ASTN2: variants seen among roughly 807,000 people sequenced by gnomAD.
The protein encoded by ASTN2 is astrotactin-2.
ASTN2 carries 54 observed loss-of-function variants against 139.8 expected under a neutral mutation model. The observed-to-expected ratio is 0.39, with a 90% CI of 0.31 to 0.48. ASTN2 has a LOEUF of 0.48. ASTN2 is among the 20% of genes least tolerant of loss of function. The pLI is 0.95. For missense variants in ASTN2, 1,565 were observed against 1,725.1 expected (o/e 0.91, Z 1.64); for synonymous variants, 756 against 719.5 (o/e 1.05, Z -0.81).
intron 19 of ASTN2, among the ~76,000 whole-genome samples, chr9:116,503,537 G>C (rs1203866062): frequency 6.6e-6 from 1 of 152,166 alleles, no homozygotes; most frequent in African/African-American, 2.4e-5. Context: ...TAGCTGGTCA[G>C]TTTTTCCTAC....
At chr9:116,637,787 A>G (rs1013155689) in intron 17 of ASTN2, among the ~76,000 whole-genome samples, 2 of 152,190 alleles carry the variant, frequency 1.3e-5, no homozygotes, top group African/African-American at 4.8e-5. Context: ...AAAAAATACA[A>G]AAATTATCCA....
intron 5 of ASTN2, among the ~76,000 whole-genome samples, chr9:117,061,009 GAGTC>G (rs1839273731): frequency 6.6e-6 from 1 of 152,154 alleles, no homozygotes. Context: ...TTGTTTTTCA[GAGTC>G]AGTTTACCAG....
At chr9:116,596,408 T>C (rs983273861) in intron 19 of ASTN2, among the ~76,000 whole-genome samples, 1 of 152,142 alleles carries the variant, frequency 6.6e-6, no homozygotes, top group Admixed American at 6.5e-5. Flanking sequence ...TAAAATGTGT[T>C]AAGAGGCTAG....
rs1851103326 is a variant in ASTN2, at chr9:116,526,635, AG to A, written c.3356-39136del. Among the ~76,000 whole-genome samples the A allele has an allele frequency of 2.0e-5, 3 of 151,552 alleles. 1 individual carries two copies. The highest frequency in any genetic ancestry group is 4.9e-5 in the African/African-American group (2 of 41,234). Reference sequence around the variant, plus strand: ...AGAACTTGTCTCAAAAAAAAAAAAAAGTGACAAAAGATGTGAAAGTAAATTT... The same window carrying A: ...AGAACTTGTCTCAAAAAAAAAAAAAATGACAAAAGATGTGAAAGTAAATTT... On this transcript the variant is annotated intron_variant, in intron 19 of 22. Transcript: ENST00000313400.
intron 2 of ASTN2, among the ~76,000 whole-genome samples, chr9:117,240,024 T>C (rs943440784): frequency 3.9e-5 from 6 of 152,208 alleles, no homozygotes; most frequent in African/African-American, 1.4e-4. Flanking sequence ...AAATTGAAAA[T>C]GCATTCATTA....
At chr9:116,720,427 G>A (rs1246219998) in intron 16 of ASTN2, among the ~76,000 whole-genome samples, 1 of 152,122 alleles carries the variant, frequency 6.6e-6, no homozygotes, top group East Asian at 1.9e-4. Context: ...CAGTACACTT[G>A]GAAAAGACAT....
intron 2 of ASTN2, among the ~76,000 whole-genome samples, chr9:117,287,961 A>G (rs1834491441): frequency 6.6e-6 from 1 of 152,164 alleles, no homozygotes; most frequent in Non-Finnish European, 1.5e-5. Context: ...TACATAAGGA[A>G]ACTGAGGCTC....
At chr9:117,040,812 A>G (rs1838542132) in intron 5 of ASTN2, among the ~76,000 whole-genome samples, 1 of 152,226 alleles carries the variant, frequency 6.6e-6, no homozygotes, top group African/African-American at 2.4e-5. Flanking sequence ...TGTGACAATT[A>G]CACAGCATGA....
intron 10 of ASTN2, among the ~76,000 whole-genome samples, chr9:116,863,962 A>C (rs1013644899): frequency 6.6e-5 from 10 of 152,162 alleles, no homozygotes; most frequent in Non-Finnish European, 1.5e-4. Context: ...TCTTTATTTT[A>C]TTAATACTTA....
intron 10 of ASTN2, among the ~76,000 whole-genome samples, chr9:116,949,916 ACAC>A (rs1835509707): frequency 6.6e-6 from 1 of 152,168 alleles, no homozygotes; most frequent in South Asian, 2.1e-4. Flanking sequence ...ACTGTATGAA[ACAC>A]ACTTAGACCA....
chr9:117,062,833 G>A (rs1564408121), intron 5 of ASTN2, among the ~76,000 whole-genome samples: 2 of 152,298 alleles, frequency 1.3e-5, no homozygotes, highest in Admixed American at 6.5e-5. Flanking sequence ...CTTATATATA[G>A]CAGGTTAATT....
intron 5 of ASTN2, among the ~76,000 whole-genome samples, chr9:117,093,988 C>T (rs991134893): frequency 2.0e-5 from 3 of 152,126 alleles, no homozygotes; most frequent in Admixed American, 6.5e-5. Context: ...AATACAAACC[C>T]CACAAGAGCA....
chr9:116,942,549 T>C (rs1195586489), intron 10 of ASTN2, among the ~76,000 whole-genome samples: 1 of 152,200 alleles, frequency 6.6e-6, no homozygotes, highest in Admixed American at 6.5e-5. Context: ...ATTTTAGGAA[T>C]ATGTGCCTGC....
At chr9:116,504,852 T>C (rs1850037449) in intron 19 of ASTN2, among the ~76,000 whole-genome samples, 1 of 128,462 alleles carries the variant, frequency 7.8e-6, no homozygotes, top group African/African-American at 3.1e-5. Context: ...GCCAAGATAG[T>C]ACCACTGCCC....
At chr9:116,462,787 CATGTGTGT>C (rs774857607) in intron 20 of ASTN2, among the ~76,000 whole-genome samples, 20 of 97,554 alleles carry the variant, frequency 2.1e-4, no homozygotes, top group South Asian at 1.0e-3. Context: ...GTTGGGTGAG[CATGTGTGT>C]GTGTGTGTGT....
chr9:116,941,566 G>C (rs1835230397), intron 10 of ASTN2, among the ~76,000 whole-genome samples: 1 of 135,558 alleles, frequency 7.4e-6, no homozygotes, highest in African/African-American at 2.8e-5. Context: ...CCACATCATG[G>C]AAGACAATCT....
At chr9:116,751,378 A>G (rs1346688792) in intron 13 of ASTN2, among the ~76,000 whole-genome samples, 11 of 152,150 alleles carry the variant, frequency 7.2e-5, no homozygotes, top group Admixed American at 7.2e-4. Context: ...CCACTCTTGC[A>G]AGTTTGGACA....
At chr9:117,333,024 T>C (rs1222176663) in intron 1 of ASTN2, among the ~76,000 whole-genome samples, 1 of 152,176 alleles carries the variant, frequency 6.6e-6, no homozygotes, top group Non-Finnish European at 1.5e-5. Context: ...GGGGTTTCTT[T>C]TCACGGTGAT....
At chr9:117,348,490 A>G (rs904213928) in intron 1 of ASTN2, among the ~76,000 whole-genome samples, 3 of 152,202 alleles carry the variant, frequency 2.0e-5, no homozygotes, top group African/African-American at 7.2e-5. Context: ...TCTATCGTTA[A>G]AGAAATTTAG....
Sources: gnomAD v4.1 joint callset for allele counts (sites outside exome capture counted in the v4.1 genomes callset) on GRCh38, gnomAD v4.1.1 for gene constraint, MANE v1.5 for transcripts, NCBI Gene and HGNC (gene_info 2026-07-23, HGNC 2026-07-21) for gene names.